The following STK3 variants were observed in gnomAD, a reference collection of about 807,000 sequenced individuals.
STK3 encodes the protein serine/threonine kinase 3, also known as serine/threonine-protein kinase 3.
STK3 carries 41 observed loss-of-function variants against 58.0 expected under a neutral mutation model. The observed-to-expected ratio is 0.71, with a 90% CI of 0.55 to 0.92. The LOEUF is 0.92. STK3 is among the 40% of genes least tolerant of loss of function. The pLI, the probability that STK3 is intolerant of heterozygous loss-of-function variation, is 0.00. For missense variants in STK3, 479 were observed against 602.7 expected, an observed-to-expected ratio of 0.79 and a Z score of 2.15; for synonymous variants, 170 against 191.0, an observed-to-expected ratio of 0.89 and a Z score of 0.91.
intron 6 of STK3, among the ~76,000 whole-genome samples, chr8:98,599,118 T>A (rs1348270036): frequency 2.6e-5 from 4 of 152,196 alleles, no homozygotes; most frequent in African/African-American, 4.8e-5. Context: ...AAGAAATTCA[T>A]GCTATTATTT....
At chr8:98,499,585 G>A (rs984755055) in intron 10 of STK3, among the ~76,000 whole-genome samples, 2 of 152,178 alleles carry the variant, frequency 1.3e-5, no homozygotes, top group Non-Finnish European at 2.9e-5. Context: ...AAAGTGAGGA[G>A]CATGGTAGAG....
At position 98,647,695 on chromosome 8, in the gene STK3, A is replaced by C. The variant is rs564006505; in HGVS notation, c.685-51526T>G. 5.0e-4 allele frequency among the ~76,000 whole-genome samples: 76 copies of C among 152,196 alleles called. 2 individuals carry two copies. In the South Asian group the frequency reaches 0.016, roughly 32 times the overall value. On this transcript the variant is annotated intron_variant, in intron 6 of 10. Transcript: ENST00000419617. ...ATAATTTCTGTATTTCTTTGTAGAG[A>C]CACAGTATGCCATGTTTCCAAGGCT...
intron 8 of STK3, among the ~76,000 whole-genome samples, chr8:98,555,159 C>G (rs191903371): frequency 6.6e-6 from 1 of 152,176 alleles, no homozygotes; most frequent in Non-Finnish European, 1.5e-5. Flanking sequence ...ATTAGGAAAT[C>G]CTACTCCACT....
downstream of STK3, chr8:98,881,784 A>T (rs1837802450): frequency 1.3e-5 from 2 of 152,224 alleles, no homozygotes; most frequent in Admixed American, 1.3e-4. Flanking sequence ...AGAAAAGTGT[A>T]TGCATTGCTA....
At position 98,633,531 on chromosome 8, in the gene STK3, TA is replaced by T. The variant is rs2130533134; in HGVS notation, c.685-37363del. 17 of 701,634 alleles carry T rather than the reference TA, an allele frequency of 2.4e-5. No individual in the cohort carries two copies. The South Asian group carries it at 2.5e-4, about 10-fold the overall frequency. The allele number at this position is 701,634 out of a possible 1,614,324, so 43.5% of individuals were successfully genotyped here. ...TTGCCAGCTCAGGACTGAGTGCAAG[TA>T]ACAGAGAATCAGCCAGATTCTCCAG... is the stretch of plus-strand genomic sequence containing the variant. On this transcript the variant is annotated intron_variant, in intron 6 of 10. Coordinates refer to ENST00000419617, the MANE Select transcript of STK3 (RefSeq NM_006281.4).
intron 6 of STK3, among the ~76,000 whole-genome samples, chr8:98,605,696 G>C (rs1816718263): frequency 6.6e-6 from 1 of 152,134 alleles, no homozygotes; most frequent in Admixed American, 6.6e-5. Flanking sequence ...CTTTAGGTTA[G>C]AAGTACAATA....
intron 9 of STK3, among the ~76,000 whole-genome samples, chr8:98,537,817 G>A (rs1235655959): frequency 6.6e-6 from 1 of 152,016 alleles, no homozygotes; most frequent in East Asian, 1.9e-4. Context: ...TCTCTTTGTG[G>A]ATAAGAAATT....
At chr8:98,669,092 C>A (rs1278562407) in intron 6 of STK3, among the ~76,000 whole-genome samples, 1 of 147,382 alleles carries the variant, frequency 6.8e-6, no homozygotes, top group East Asian at 2.1e-4. Flanking sequence ...CGTCTCCTGG[C>A]TCCAAGCAAT....
At chr8:98,566,458 TAAG>T (rs764944985) in intron 8 of STK3, among the ~76,000 whole-genome samples, 1 of 152,076 alleles carries the variant, frequency 6.6e-6, no homozygotes, top group Non-Finnish European at 1.5e-5. Context: ...AAAATTATGT[TAAG>T]AATGCAGGAT....
chr8:98,814,394 A>C (rs1834418525), intron 1 of STK3, among the ~76,000 whole-genome samples: 1 of 149,424 alleles, frequency 6.7e-6, no homozygotes, highest in African/African-American at 2.5e-5. Flanking sequence ...TCCAAGCTGG[A>C]ATGAAGTGGT....
At chr8:98,511,166 A>G (rs1243442808) in intron 10 of STK3, among the ~76,000 whole-genome samples, 1 of 152,028 alleles carries the variant, frequency 6.6e-6, no homozygotes, top group African/African-American at 2.4e-5. Flanking sequence ...AATTAAAACA[A>G]AAGTGGTTCT....
downstream of STK3, chr8:98,881,861 A>G (rs1837806041): frequency 6.6e-6 from 1 of 152,158 alleles, no homozygotes; most frequent in African/African-American, 2.4e-5. Flanking sequence ...AAATTTAATA[A>G]ATAAAAATGA....
chr8:98,569,484 A>T (rs1475448615), intron 8 of STK3, among the ~76,000 whole-genome samples: 2 of 144,766 alleles, frequency 1.4e-5, no homozygotes, highest in Non-Finnish European at 3.1e-5. Context: ...ATGAATCAAT[A>T]AAAAAAAAAA....
chr8:98,740,632 G>A (rs1365154623), intron 4 of STK3, among the ~76,000 whole-genome samples: 1 of 152,176 alleles, frequency 6.6e-6, no homozygotes, highest in Non-Finnish European at 1.5e-5. Flanking sequence ...ACCAGCCACT[G>A]CAAAATCATG....
rs947876042 is a variant in STK3 at position 98,739,108 on chromosome 8, C to T, written c.351+10168G>A. 2.6e-5 allele frequency among the ~76,000 whole-genome samples: 4 copies of T among 152,340 alleles called. No homozygotes were observed. In the South Asian group the frequency reaches 8.3e-4, roughly 32 times the overall value. ...GCCGGGAAGCTCCAACTGGGTGGAG[C>T]CCACCACAGCTCAAGGAGGCCTGCC... On this transcript the variant is annotated intron_variant, in intron 4 of 10. Coordinates refer to ENST00000419617, the MANE Select transcript of STK3 (RefSeq NM_006281.4).
Position 98,632,529 on chromosome 8 carries a change from T to A in STK3, c.685-36360A>T, listed in dbSNP as rs921944327. Among the ~76,000 whole-genome samples the A allele has an allele frequency of 2.0e-5, 3 of 152,176 alleles. No homozygotes were observed. In the South Asian group the frequency reaches 6.2e-4, roughly 31 times the overall value. On this transcript the variant is annotated intron_variant, in intron 6 of 10. Transcript: ENST00000419617. ...ATTACAATCTAGGTTCACATTAAAG[T>A]TACCTCATTCTTCTCAACTTAGATC...
intron 6 of STK3, among the ~76,000 whole-genome samples, chr8:98,704,031 C>T (rs1360865747): frequency 1.3e-5 from 2 of 152,156 alleles, no homozygotes; most frequent in Non-Finnish European, 2.9e-5. Context: ...CACTTCCCCA[C>T]ATATCAAAGA....
the STK3 span, among the ~76,000 whole-genome samples, chr8:98,363,438 G>A: frequency 1.2e-4 from 19 of 152,116 alleles, no homozygotes; most frequent in Admixed American, 5.2e-4. Flanking sequence ...CCCGGGTTCC[G>A]GTACAGGCTC....
chr8:98,391,397 A>G (rs551318192), upstream of STK3: 1 of 152,378 alleles, frequency 6.6e-6, no homozygotes. Flanking sequence ...TCAGATCCAC[A>G]CATGTGCAGC....
Sources: gnomAD v4.1 joint callset for allele counts (sites outside exome capture counted in the v4.1 genomes callset) on GRCh38, gnomAD v4.1.1 for gene constraint, MANE v1.5 for transcripts, NCBI Gene and HGNC (gene_info 2026-07-23, HGNC 2026-07-21) for gene names.